Variants in RAP1A observed in about 807,000 individuals in gnomAD.
RAP1A encodes RAP1A, member of RAS oncogene family.
In RAP1A, 6 loss-of-function variants were observed where a neutral mutation model predicts 26.4. That is an observed-to-expected ratio of 0.23 (90% confidence interval 0.12 to 0.45). The LOEUF (loss-of-function observed/expected upper bound fraction) is 0.45, where lower values mean the gene tolerates loss of function less well. RAP1A is among the 20% of genes least tolerant of loss of function. The pLI is 0.99. For synonymous variants in RAP1A, 73 were observed against 79.4 expected, an observed-to-expected ratio of 0.92 and a Z score of 0.43; for missense variants, 121 against 217.2, an observed-to-expected ratio of 0.56 and a Z score of 2.78.
At chr1:111,594,686 AG>A (rs1658533797) in intron 1 of RAP1A, among the ~76,000 whole-genome samples, 1 of 152,162 alleles carries the variant, frequency 6.6e-6, no homozygotes, top group African/African-American at 2.4e-5. Context: ...GAACCCATAA[AG>A]TTCCTTAAGT....
At chr1:111,598,453 T>G (rs1658598885) in intron 1 of RAP1A, among the ~76,000 whole-genome samples, 1 of 152,050 alleles carries the variant, frequency 6.6e-6, no homozygotes, top group South Asian at 2.1e-4. Context: ...CTGCCTACCC[T>G]TTGAGGAGCA....
At chr1:111,560,037 A>G (rs910884726) in intron 1 of RAP1A, among the ~76,000 whole-genome samples, 5 of 152,068 alleles carry the variant, frequency 3.3e-5, no homozygotes, top group African/African-American at 9.7e-5. Flanking sequence ...AGAGTAGGCA[A>G]TTTTTTTCAT....
rs1662447234 is a variant in RAP1A, at chr1:111,713,497, CT to C, written c.*1100del. 6.6e-6 allele frequency: 1 copy of C among 152,062 alleles called. No individual in the cohort carries two copies. The highest frequency in any genetic ancestry group is 2.1e-4 in the South Asian group (1 of 4,824). The allele number at this position is 152,062 out of a possible 1,614,324, so 9.4% of individuals were successfully genotyped here. ...AGCTTGTAATTTCATCAAGGGAATC[CT>C]TTTGCATTGTTAATTTGTTGGGTGT... On this transcript the variant is annotated 3_prime_UTR_variant, in exon 8 of 8. Transcript: ENST00000369709.
intron 1 of RAP1A, among the ~76,000 whole-genome samples, chr1:111,645,998 C>T (rs963761773): frequency 6.6e-6 from 1 of 152,112 alleles, no homozygotes; most frequent in Non-Finnish European, 1.5e-5. Flanking sequence ...CACGTGCACA[C>T]GTGTTTATAT....
intron 1 of RAP1A, among the ~76,000 whole-genome samples, chr1:111,545,701 C>T (rs1031485934): frequency 6.6e-6 from 1 of 152,110 alleles, no homozygotes; most frequent in Non-Finnish European, 1.5e-5. Context: ...ATTACCTAAT[C>T]TAAGGTCACA....
intron 1 of RAP1A, chr1:111,648,322 T>A: frequency 1.1e-6 from 1 of 915,812 alleles, no homozygotes; most frequent in Non-Finnish European, 1.7e-6. Flanking sequence ...TGGTCTCAGA[T>A]ACCACTTTGC....
chr1:111,674,197 G>T (rs1179280656), intron 1 of RAP1A, among the ~76,000 whole-genome samples: 2 of 152,138 alleles, frequency 1.3e-5, no homozygotes, highest in African/African-American at 2.4e-5. Context: ...GCGATCCCCA[G>T]ACTGGAAAGG....
chr1:111,671,819 T>G (rs1268160797), intron 1 of RAP1A, among the ~76,000 whole-genome samples: 2 of 152,262 alleles, frequency 1.3e-5, no homozygotes, highest in Admixed American at 1.3e-4. Context: ...ATTATTTAGT[T>G]CAAATTGTTT....
intron 1 of RAP1A, chr1:111,648,205 AT>A (rs34499342): frequency 0.34 from 91,875 of 267,006 alleles, 13,023 homozygotes; most frequent in African/African-American, 0.54. Context: ...GTGTGTGTGT[AT>A]TTTTTTTTTT....
chr1:111,551,676 C>A (rs1180068056), intron 1 of RAP1A, among the ~76,000 whole-genome samples: 1 of 151,756 alleles, frequency 6.6e-6, no homozygotes, highest in African/African-American at 2.4e-5. Context: ...TTAATAACAT[C>A]TTTTATATTT....
chr1:111,677,089 C>T (rs575027534), intron 1 of RAP1A, among the ~76,000 whole-genome samples: 10 of 152,244 alleles, frequency 6.6e-5, no homozygotes, highest in East Asian at 1.9e-4. Context: ...CCACCGTGCC[C>T]GGCCTTTTCT....
intron 1 of RAP1A, among the ~76,000 whole-genome samples, chr1:111,690,761 A>G (rs150057244): frequency 3.0e-4 from 46 of 152,264 alleles, no homozygotes; most frequent in African/African-American, 1.0e-3. Context: ...TTCTCTGGCT[A>G]TTTGGGCCTT....
At chr1:111,640,518 G>A (rs565203944) in intron 1 of RAP1A, among the ~76,000 whole-genome samples, 14 of 152,238 alleles carry the variant, frequency 9.2e-5, no homozygotes, top group Admixed American at 7.8e-4. Context: ...AGATTTTTAT[G>A]TTTTGTGTAG....
intron 4 of RAP1A, among the ~76,000 whole-genome samples, chr1:111,697,934 T>C (rs1456849483): frequency 1.3e-5 from 2 of 152,314 alleles, no homozygotes; most frequent in Non-Finnish European, 2.9e-5. Context: ...GCAAAAATCT[T>C]CCTCAGAAGA....
chr1:111,659,397 A>G (rs1333495702), intron 1 of RAP1A, among the ~76,000 whole-genome samples: 1 of 152,204 alleles, frequency 6.6e-6, no homozygotes, highest in Non-Finnish European at 1.5e-5. Flanking sequence ...GGGCCACTGA[A>G]ATTGCAAAAA....
At chr1:111,648,288 T>C in intron 1 of RAP1A, 1 of 996,636 alleles carries the variant, frequency 1.0e-6, no homozygotes, top group Non-Finnish European at 1.5e-6. Context: ...TCTGCTGGCT[T>C]AATTCTCAGA....
chr1:111,553,991 G>A (rs1419654493), intron 1 of RAP1A, among the ~76,000 whole-genome samples: 1 of 152,236 alleles, frequency 6.6e-6, no homozygotes, highest in Non-Finnish European at 1.5e-5. Flanking sequence ...AGCAAGAAGA[G>A]GAGTGCAGGC....
chr1:111,626,607 T>C (rs1347781931), intron 1 of RAP1A, among the ~76,000 whole-genome samples: 3 of 152,218 alleles, frequency 2.0e-5, no homozygotes, highest in Non-Finnish European at 2.9e-5. Flanking sequence ...GCATTTTTAG[T>C]GACTGTTGTT....
intron 1 of RAP1A, among the ~76,000 whole-genome samples, chr1:111,637,171 A>G (rs1056080143): frequency 4.6e-5 from 7 of 152,210 alleles, no homozygotes; most frequent in African/African-American, 9.6e-5. Context: ...TTAAAGCCAT[A>G]GGAATAAAGA....
Sources: gnomAD v4.1 joint callset for allele counts (sites outside exome capture counted in the v4.1 genomes callset) on GRCh38, gnomAD v4.1.1 for gene constraint, MANE v1.5 for transcripts, NCBI Gene and HGNC (gene_info 2026-07-23, HGNC 2026-07-21) for gene names.